Variants in CIAO3 observed in about 807,000 individuals in gnomAD.
CIAO3 encodes cytosolic iron-sulfur assembly component 3.
In CIAO3, 45 loss-of-function variants were observed where a neutral mutation model predicts 51.5. The observed-to-expected ratio is 0.87, with a 90% CI of 0.69 to 1.12. The LOEUF is 1.12. CIAO3 is among the 50% of genes most tolerant of loss of function. The probability of loss-of-function intolerance (pLI) is 0.00; values close to 1 mark genes in which losing one functional copy is unlikely to be tolerated. For missense variants in CIAO3, 668 were observed against 632.5 expected, an observed-to-expected ratio of 1.06 and a Z score of -0.60; for synonymous variants, 314 against 269.3, an observed-to-expected ratio of 1.17 and a Z score of -1.63.
intron 2 of CIAO3, chr16:739,170 C>T (rs56150401): frequency 0.033 from 5,216 of 157,610 alleles, 300 homozygotes; most frequent in African/African-American, 0.12. Context: ...GTGGTGGTGG[C>T]CGCCTGTAGT....
chr16:731,050 T>C lies in CIAO3; in HGVS notation c.1035-50A>G, dbSNP rs759483460. 1.4e-5 allele frequency: 22 copies of C among 1,602,648 alleles called. No homozygotes were observed. In the Middle Eastern group the frequency reaches 1.1e-3, roughly 78 times the overall value. ...CTACATGGCACACCCACCAGGCTCC[T>C]GCCTGCCTGGAAGGGGAGGCCTGCT... On this transcript the variant is annotated intron_variant, in intron 9 of 10. Transcript: ENST00000251588.
intron 1 of CIAO3, chr16:740,047 C>T (rs183151027): frequency 7.9e-6 from 11 of 1,394,496 alleles, no homozygotes; most frequent in Middle Eastern, 1.9e-4. Context: ...GAACAGGGGG[C>T]GTGACCACCA....
Position 731,134 on chromosome 16 carries a change from G to A in CIAO3, c.1035-134C>T, listed in dbSNP as rs998687544. On this transcript the variant is annotated intron_variant, in intron 9 of 10. Transcript: ENST00000251588. ...CTCTCTCCCTCTCTCCTGGGCAGAG[G>A]GAAGGACAAGAACGGAGAGAGAGGG... The A allele has an allele frequency of 4.3e-6, 5 of 1,171,016 alleles. No homozygotes were observed. In the South Asian group the frequency reaches 6.0e-5, roughly 14 times the overall value. The allele number at this position is 1,171,016 out of a possible 1,614,324, so 72.5% of individuals were successfully genotyped here.
In CIAO3 at chr16:733,328, T is replaced by G; in HGVS notation, c.793A>C (p.Thr265Pro). The change falls in exon 7 of 11, where the codon ACA (threonine) becomes CCA (proline). Residue 265 changes from threonine (T) to proline (P), a missense_variant. Transcript: ENST00000251588. ...GTGAGGACACAGTCCACATCCCGTG[T>G]CTGGTGCTCCTGGTTGAAAAAGTCG... is the stretch of plus-strand genomic sequence containing the variant. ...RPDFFNQEHQTRDVDCVLTTG... is the reference protein window; with the variant it reads ...RPDFFNQEHQPRDVDCVLTTG... 1 of 1,613,808 alleles carries G rather than the reference T, an allele frequency of 6.2e-7. No individual in the cohort carries two copies. The highest frequency in any genetic ancestry group is 8.5e-7 in the Non-Finnish European group (1 of 1,179,998).
intron 1 of CIAO3, 107 bp from the exon 2 acceptor site, chr16:739,845 C>G (rs2041374153): frequency 7.7e-7 from 1 of 1,300,780 alleles, no homozygotes; most frequent in South Asian, 1.3e-5. Flanking sequence ...AAGGCTCTGC[C>G]AGGAGCCATG....
In CIAO3 at chr16:737,685, G is replaced by A. The variant is rs778247561; in HGVS notation, c.163-356C>T. On this transcript the variant is annotated intron_variant, in intron 2 of 10. Coordinates refer to ENST00000251588, the MANE Select transcript of CIAO3 (RefSeq NM_022493.3). The surrounding 1 kb of genome is among the most constrained non-coding windows in gnomAD (Gnocchi z 5.3). ...CAGGGCTGTAGGGCAGGAAAATGCC[G>A]AAGGTGGGCTCTGAAAGGAGGAGGC... The A allele has an allele frequency of 1.9e-5, 25 of 1,312,060 alleles. No homozygotes were observed. In the African/African-American group the frequency reaches 2.1e-4, roughly 11 times the overall value. The allele number at this position is 1,312,060 out of a possible 1,614,324, so 81.3% of individuals were successfully genotyped here. A position where few individuals can be genotyped will look rare whatever the true frequency, so the allele number is the denominator to read the frequency against.
rs181206882 is a variant in CIAO3, at chr16:732,899, G to A, written c.823+399C>T. On this transcript the variant is annotated intron_variant, in intron 7 of 10. Coordinates refer to ENST00000251588, the MANE Select transcript of CIAO3 (RefSeq NM_022493.3). Reference sequence around the variant, plus strand: ...GATCCACCCACCTCTGCCTCCCAAAGTGCTGGGATTACAGGCGTGAGCCAC... The same window carrying A: ...GATCCACCCACCTCTGCCTCCCAAAATGCTGGGATTACAGGCGTGAGCCAC... 35 of 316,964 alleles carry A rather than the reference G, an allele frequency of 1.1e-4. 1 individual carries two copies. The East Asian group carries it at 2.8e-3, about 25-fold the overall frequency. 19.6% of individuals were successfully genotyped at this position (316,964 alleles called of 1,614,324 possible). A position where few individuals can be genotyped will look rare whatever the true frequency, so the allele number is the denominator to read the frequency against.
rs751395971 is a variant in CIAO3 at position 737,633 on chromosome 16, C to T, written c.163-304G>A. 27 of 1,366,964 alleles carry T rather than the reference C, an allele frequency of 2.0e-5. No individual in the cohort carries two copies. Among genetic ancestry groups the T allele is most frequent in the African/African-American group, 2.9e-5 (2 of 68,818 alleles). The allele number at this position is 1,366,964 out of a possible 1,614,324, so 84.7% of individuals were successfully genotyped here. On this transcript the variant is annotated intron_variant, in intron 2 of 10. Coordinates refer to ENST00000251588, the MANE Select transcript of CIAO3 (RefSeq NM_022493.3). The surrounding 1 kb of genome is among the most constrained non-coding windows in gnomAD (Gnocchi z 5.3). ...CCCCACTCACCCATGGGGCCCTGGA[C>T]GGGGTGCTGGCCCCGGTGCACACTC...
At chr16:738,218 CA>C (rs2041358128) in intron 2 of CIAO3, 9 of 989,796 alleles carry the variant, frequency 9.1e-6, no homozygotes, top group Non-Finnish European at 1.1e-5. Flanking sequence ...CAGCACCTTC[CA>C]GGGGTTCCCT....
intron 4 of CIAO3, 78 bp downstream of exon 4, chr16:736,188 A>C: frequency 1.3e-6 from 2 of 1,572,546 alleles, no homozygotes; most frequent in South Asian, 2.3e-5. Context: ...TCAGTGACTC[A>C]GAGGCGCGAG....
chr16:732,126 C>G, intron 8 of CIAO3, 175 bp downstream of exon 8: 1 of 687,468 alleles, frequency 1.5e-6, no homozygotes, highest in Non-Finnish European at 2.5e-6. Flanking sequence ...GATCTGCCCA[C>G]CTTGGCCTCC....
Position 731,692 on chromosome 16 carries a change from C to A in CIAO3, c.907G>T (p.Ala303Ser). The A allele has an allele frequency of 6.4e-7, 1 of 1,553,888 alleles. No individual in the cohort carries two copies. Among genetic ancestry groups the A allele is most frequent in the Non-Finnish European group, 8.7e-7 (1 of 1,151,388 alleles). Residue 303 changes from alanine to serine, a missense_variant, in exon 9 of 11, where the codon GCC becomes TCC. Coordinates refer to ENST00000251588, the MANE Select transcript of CIAO3 (RefSeq NM_022493.3). ...TGGCTGGTGGGCTCCTCTGCAGAGG[C>A]ACCGCTGCACCTGGCAAGGAGGGAG... ...PAPLDSLCSG[A>S]SAEEPTSHRG...
rs1231704088 is a variant in CIAO3, at chr16:737,707, A to C, written c.163-378T>G. On this transcript the variant is annotated intron_variant, in intron 2 of 10. Transcript: ENST00000251588. The surrounding 1 kb of genome is among the most constrained non-coding windows in gnomAD (Gnocchi z 5.3). ...GCCGAAGGTGGGCTCTGAAAGGAGG[A>C]GGCGGGAAAGCTGAGGACAAAGGAG... is the stretch of plus-strand genomic sequence containing the variant. 7.7e-7 allele frequency: 1 copy of C among 1,299,342 alleles called. No homozygotes were observed. Among genetic ancestry groups the C allele is most frequent in the South Asian group, 1.2e-5 (1 of 81,028 alleles). 80.5% of individuals were successfully genotyped at this position (1,299,342 alleles called of 1,614,324 possible).
intron 1 of CIAO3, 136 bp from the exon 2 acceptor site, chr16:739,874 G>T (rs752939379): frequency 1.3e-4 from 151 of 1,202,542 alleles, no homozygotes; most frequent in Non-Finnish European, 1.8e-4. Flanking sequence ...GACTGAGGCT[G>T]GTCCCACCGT....
In CIAO3 at chr16:737,775, C is replaced by T; in HGVS notation, c.163-446G>A. ...GGAAGAGGAGAGCAGAGGGAGGAAG[C>T]CTGGGAGCCTGGCCTCCGGTGGGCG... On this transcript the variant is annotated intron_variant, in intron 2 of 10. Transcript: ENST00000251588. This position sits in a 1 kb window ranked among gnomAD's most constrained non-coding sequence, Gnocchi z 5.3. 1.6e-6 allele frequency: 2 copies of T among 1,218,368 alleles called. No homozygotes were observed. Among genetic ancestry groups the T allele is most frequent in the Middle Eastern group, 6.4e-4 (2 of 3,102 alleles). 75.5% of individuals were successfully genotyped at this position (1,218,368 alleles called of 1,614,324 possible). A position where few individuals can be genotyped will look rare whatever the true frequency, so the allele number is the denominator to read the frequency against.
rs996306433 is a variant in CIAO3, at chr16:730,112, A to C, written c.*305T>G. 2.0e-6 allele frequency: 1 copy of C among 497,932 alleles called. No homozygotes were observed. The highest frequency in any genetic ancestry group is 3.6e-6 in the Non-Finnish European group (1 of 276,814). The allele number at this position is 497,932 out of a possible 1,614,324, so 30.8% of individuals were successfully genotyped here. A position where few individuals can be genotyped will look rare whatever the true frequency, so the allele number is the denominator to read the frequency against. ...CCCTCACGCACTTGGGTGCCCGACC[A>C]GCAGCAGCAAGGGCAGCACCTGTGG... On this transcript the variant is annotated 3_prime_UTR_variant, in exon 11 of 11. Transcript: ENST00000251588.
rs749622495 is a variant in CIAO3 at position 733,281 on chromosome 16, G to A, written c.823+17C>T. ...CCAGGAGGCTTGAGGGCTCAGGGCC[G>A]CACGGCGTGACCGCACCTGTTGTGA... On this transcript the variant is annotated intron_variant, in intron 7 of 10. Coordinates refer to ENST00000251588, the MANE Select transcript of CIAO3 (RefSeq NM_022493.3). The A allele has an allele frequency of 5.0e-6, 8 of 1,612,190 alleles. No homozygotes were observed. The Admixed American group carries it at 5.0e-5, about 10-fold the overall frequency.
In CIAO3 at chr16:736,410, G is replaced by A. The variant is rs766056623; in HGVS notation, c.307-12C>T. 1 of 1,612,448 alleles carries A rather than the reference G, an allele frequency of 6.2e-7. No homozygotes were observed. Among genetic ancestry groups the A allele is most frequent in the Admixed American group, 1.7e-5 (1 of 60,014 alleles). ...CTGGGTGCCGCCATCTGCAAAGCAA[G>A]GGGAAGACGCTGCTTACTCTGCTGG... On this transcript the variant is annotated splice_polypyrimidine_tract_variant and intron_variant, in intron 3 of 10. Transcript: ENST00000251588.
In CIAO3 at chr16:733,310, C is replaced by T. The variant is rs1297572992; in HGVS notation, c.811G>A (p.Val271Ile). ...GGCGTGACCGCACCTGTTGTGAGGA[C>T]ACAGTCCACATCCCGTGTCTGGTGC... is the stretch of plus-strand genomic sequence containing the variant. ...QEHQTRDVDC[V>I]LTTGEVFRLL... Residue 271 changes from valine to isoleucine, a missense_variant, in exon 7 of 11, where the codon GTC becomes ATC. Val to Ile is a conservative substitution (Grantham distance 29). Coordinates refer to ENST00000251588, the MANE Select transcript of CIAO3 (RefSeq NM_022493.3). 17 of 1,613,492 alleles carry T rather than the reference C, an allele frequency of 1.1e-5. No homozygotes were observed. The highest frequency in any genetic ancestry group is 1.4e-5 in the Non-Finnish European group (16 of 1,179,982).
Sources: allele counts gnomAD v4.1 joint callset, GRCh38; gene constraint gnomAD v4.1.1; non-coding constraint Gnocchi (gnomAD v3.1); transcripts MANE v1.5; gene names NCBI Gene and HGNC (gene_info 2026-07-23, HGNC 2026-07-21).